The following CDH23 variants were observed in gnomAD, a reference collection of about 807,000 sequenced individuals.
The protein encoded by CDH23 is cadherin-23.
CDH23 carries 189 observed loss-of-function variants against 317.1 expected under a neutral mutation model. That is an observed-to-expected ratio of 0.60 (90% CI 0.53 to 0.67). The LOEUF is 0.67. CDH23 is among the 30% of genes least tolerant of loss of function. The pLI is 0.00. For synonymous variants in CDH23, 1,839 were observed against 1,876.8 expected (o/e 0.98, Z 0.52); for missense variants, 4,401 against 4,592.4 (o/e 0.96, Z 1.20).
chr10:71,576,516 C>G (rs116424344), intron 8 of CDH23, among the ~76,000 whole-genome samples: 4,868 of 152,188 alleles, frequency 0.032, 279 homozygotes, highest in African/African-American at 0.11. Flanking sequence ...GGGGGTGCAG[C>G]TCGGGCTTCA....
intron 13 of CDH23, 75 bp from the exon 14 acceptor site, chr10:71,646,384 A>G: frequency 6.3e-7 from 1 of 1,577,664 alleles, no homozygotes; most frequent in South Asian, 1.2e-5. Flanking sequence ...AAAGGCATGG[A>G]GAGGACTTAC....
At chr10:71,596,782 G>T (rs1013414204) in intron 9 of CDH23, among the ~76,000 whole-genome samples, 2 of 152,166 alleles carry the variant, frequency 1.3e-5, no homozygotes, top group Non-Finnish European at 2.9e-5. Flanking sequence ...TGGACTTGCC[G>T]TGTTGGGCAG....
At chr10:71,525,799 A>G (rs2132245397) in intron 6 of CDH23, among the ~76,000 whole-genome samples, 1 of 149,438 alleles carries the variant, frequency 6.7e-6, no homozygotes, top group Non-Finnish European at 1.5e-5. Context: ...CAGCCCAGAA[A>G]CCAGAGAAAG....
rs1156928649 is a variant in CDH23, at chr10:71,806,234, G to A, written c.8131G>A (p.Ala2711Thr). 6.3e-7 allele frequency: 1 copy of A among 1,576,748 alleles called. No homozygotes were observed. The highest frequency in any genetic ancestry group is 8.6e-7 in the Non-Finnish European group (1 of 1,161,386). The change falls in exon 57 of 70, where the codon GCC becomes ACC. Residue 2711 changes from alanine to threonine, a missense_variant. This residue lies in a region of CDH23 where 1,144 missense variants were observed against 1,138.2 expected (regional missense o/e 1.01). Transcript: ENST00000224721. ...PYETMQPLQVALEDIDDNEPL... is the reference protein window; with the variant it reads ...PYETMQPLQVTLEDIDDNEPL... ...CGAGACTATGCAGCCGCTGCAGGTG[G>A]CCCTGGAGGACATCGATGACAACGA...
At position 71,734,261 on chromosome 10, in the gene CDH23, C is replaced by G; in HGVS notation, c.4126C>G (p.Leu1376Val). ...AITGVITVQG[L>V]VDREKGDFYT... ...GCAGGGTGTGATCACAGTCCAGGGC[C>G]TGGTGGACCGTGAGAAGGGCGACTT... Residue 1376 changes from leucine to valine, a missense_variant, in exon 33 of 70, where the codon CTG becomes GTG. Leu to Val is a conservative substitution (Grantham distance 32, BLOSUM62 1). Around this residue, in one of 3 missense-constraint regions of CDH23, gnomAD observed 3,068 missense variants for 3,203.3 expected, o/e 0.96. Transcript: ENST00000224721. The G allele has an allele frequency of 6.2e-7, 1 of 1,611,736 alleles. No homozygotes were observed.
At chr10:71,780,315 A>C (rs1421750450) in intron 41 of CDH23, among the ~76,000 whole-genome samples, 1 of 152,246 alleles carries the variant, frequency 6.6e-6, no homozygotes, top group African/African-American at 2.4e-5. Flanking sequence ...CTGACTAAGT[A>C]GATGACTTAG....
At chr10:71,461,415 G>A (rs1850978053) in intron 3 of CDH23, among the ~76,000 whole-genome samples, 1 of 152,242 alleles carries the variant, frequency 6.6e-6, no homozygotes, top group Non-Finnish European at 1.5e-5. Context: ...GGCTGTGACA[G>A]CCTTAGGCTG....
chr10:71,741,574 G>T (rs752603783), intron 37 of CDH23, 120 bp from the exon 38 acceptor site: 1 of 750,246 alleles, frequency 1.3e-6, no homozygotes, highest in East Asian at 2.7e-5. Context: ...CATTGCTCTG[G>T]GGTAGATGCA....
At chr10:71,646,411 G>A (rs1862861120) in intron 13 of CDH23, 48 bp from the exon 14 acceptor site, 2 of 1,601,948 alleles carry the variant, frequency 1.2e-6, no homozygotes, top group African/African-American at 1.3e-5. Context: ...AAGGACTCTG[G>A]GAGGGGACAT....
At chr10:71,627,548 C>T (rs943715877) in intron 11 of CDH23, among the ~76,000 whole-genome samples, 26 of 152,338 alleles carry the variant, frequency 1.7e-4, no homozygotes, top group Middle Eastern at 3.4e-3. Context: ...ATGCTATTTA[C>T]GCCAAGCCCT....
At chr10:71,756,880 G>A (rs977595204) in intron 38 of CDH23, among the ~76,000 whole-genome samples, 10 of 152,286 alleles carry the variant, frequency 6.6e-5, no homozygotes, top group Admixed American at 2.0e-4. Flanking sequence ...TCTACAATCC[G>A]ACAGCGTAAA....
intron 44 of CDH23, 68 bp downstream of exon 44, chr10:71,785,806 C>G: frequency 1.0e-6 from 1 of 952,562 alleles, no homozygotes. Context: ...AACACATCAC[C>G]CCTCCTGCAG....
intron 6 of CDH23, among the ~76,000 whole-genome samples, chr10:71,565,664 G>A (rs922923132): frequency 3.9e-5 from 6 of 152,208 alleles, no homozygotes; most frequent in Non-Finnish European, 7.3e-5. Context: ...AATTAAAATT[G>A]CAACTACTGT....
intron 9 of CDH23, among the ~76,000 whole-genome samples, chr10:71,611,885 C>T (rs1044131121): frequency 1.6e-4 from 24 of 152,212 alleles, no homozygotes; most frequent in African/African-American, 5.8e-4. Context: ...GATTCTCCAA[C>T]ACCTTGCGCA....
chr10:71,612,698 G>A (rs572297175), intron 9 of CDH23, among the ~76,000 whole-genome samples: 56 of 152,294 alleles, frequency 3.7e-4, no homozygotes, highest in Non-Finnish European at 5.9e-4. Flanking sequence ...GTGGGAGGCC[G>A]GAGGCTCTGA....
chr10:71,797,225 G>C lies in CDH23; in HGVS notation c.6829+5G>C. 6.3e-7 allele frequency: 1 copy of C among 1,598,042 alleles called. No individual in the cohort carries two copies. The highest frequency in any genetic ancestry group is 8.6e-7 in the Non-Finnish European group (1 of 1,167,722). Reference sequence around the variant, plus strand: ...GCTCTGTCAGTGTGCCAAATGGTAAGGTTCCCTGCAGACATCTCTCATTGG... The same window carrying C: ...GCTCTGTCAGTGTGCCAAATGGTAACGTTCCCTGCAGACATCTCTCATTGG... On this transcript the variant is annotated splice_donor_5th_base_variant and intron_variant, in intron 49 of 69. Transcript: ENST00000224721.
chr10:71,748,185 CCT>C (rs1484635520), intron 38 of CDH23: 4 of 152,364 alleles, frequency 2.6e-5, no homozygotes, highest in African/African-American at 7.3e-5. Flanking sequence ...CCTGCAGCCC[CCT>C]GTCCCACTGC....
At chr10:71,586,474 GTAGCTCTC>G (rs1859071331) in intron 9 of CDH23, among the ~76,000 whole-genome samples, 1 of 152,150 alleles carries the variant, frequency 6.6e-6, no homozygotes, top group Non-Finnish European at 1.5e-5. Context: ...TGGTCCATGT[GTAGCTCTC>G]TTTTGTTTCA....
At chr10:71,677,900 G>A (rs1864442814) in intron 16 of CDH23, among the ~76,000 whole-genome samples, 1 of 152,090 alleles carries the variant, frequency 6.6e-6, no homozygotes, top group Admixed American at 6.5e-5. Flanking sequence ...TTAGCAGCTG[G>A]GACTACAGGC....
Sources: allele counts gnomAD v4.1 joint callset (sites outside exome capture counted in the v4.1 genomes callset), GRCh38; gene constraint gnomAD v4.1.1; regional missense constraint gnomAD v4.1.1; transcripts MANE v1.5; gene names NCBI Gene and HGNC (gene_info 2026-07-23, HGNC 2026-07-21).